The following VWC2 variants were observed in gnomAD, a reference collection of about 807,000 sequenced individuals.
VWC2 encodes brorin.
Under a neutral mutation model 29.8 loss-of-function variants are expected in VWC2, and 14 were observed. The ratio of observed to expected loss-of-function variants is 0.47; its 90% CI spans 0.31 to 0.74. The LOEUF (loss-of-function observed/expected upper bound fraction) is 0.74, where lower values mean the gene tolerates loss of function less well. Among genes scored for constraint, VWC2 ranks in the 30% least tolerant of loss-of-function variants. The pLI, the probability that VWC2 is intolerant of heterozygous loss-of-function variation, is 0.05. For missense variants in VWC2, 457 were observed against 459.8 expected (o/e 0.99, Z 0.05); for synonymous variants, 213 against 199.0 (o/e 1.07, Z -0.59).
intron 2 of VWC2, among the ~76,000 whole-genome samples, chr7:49,777,432 G>T (rs1333093132): frequency 6.6e-6 from 1 of 152,002 alleles, no homozygotes; most frequent in African/African-American, 2.4e-5. Flanking sequence ...CTGGAATTTA[G>T]AGTCAGGAAA....
intron 3 of VWC2, among the ~76,000 whole-genome samples, chr7:49,853,309 C>G (rs549175695): frequency 6.6e-6 from 1 of 152,244 alleles, no homozygotes; most frequent in South Asian, 2.1e-4. Flanking sequence ...GCCCCCAGCA[C>G]TTGCCCATGG....
At chr7:49,878,329 C>A (rs1486606622) in intron 3 of VWC2, among the ~76,000 whole-genome samples, 1 of 152,188 alleles carries the variant, frequency 6.6e-6, no homozygotes, top group Non-Finnish European at 1.5e-5. Flanking sequence ...TCTGCCTCTC[C>A]AAGCTCCTTC....
intron 3 of VWC2, among the ~76,000 whole-genome samples, chr7:49,906,844 C>T (rs952476702): frequency 2.0e-5 from 3 of 152,018 alleles, no homozygotes; most frequent in South Asian, 2.1e-4. Flanking sequence ...TTGATGTTTT[C>T]GTTGGTTTTT....
chr7:49,891,023 T>G (rs1048734559), intron 3 of VWC2, among the ~76,000 whole-genome samples: 2 of 152,172 alleles, frequency 1.3e-5, no homozygotes, highest in African/African-American at 4.8e-5. Flanking sequence ...TTAAGCCAAA[T>G]ATATTCATTA....
In VWC2 at chr7:49,914,403, T is replaced by G. The variant is rs1340098893; in HGVS notation, c.*2218T>G. The G allele has an allele frequency of 6.6e-6, 1 of 152,232 alleles. No individual in the cohort carries two copies. Among genetic ancestry groups the G allele is most frequent in the African/African-American group, 2.4e-5 (1 of 41,464 alleles). The allele number at this position is 152,232 out of a possible 1,614,324, so 9.4% of individuals were successfully genotyped here. ...ATCTTGGGAAGTTAACTGACTCACT[T>G]GCTCTAAACTTAGTTTGACCTGCAG... On this transcript the variant is annotated 3_prime_UTR_variant, in exon 4 of 4. Coordinates refer to ENST00000340652, the MANE Select transcript of VWC2 (RefSeq NM_198570.5).
chr7:49,842,038 T>C (rs1213111726), intron 3 of VWC2, among the ~76,000 whole-genome samples: 1 of 152,152 alleles, frequency 6.6e-6, no homozygotes, highest in Admixed American at 6.5e-5. Context: ...AGCTAACTTT[T>C]TGTATTTTTA....
In VWC2 at chr7:49,838,281, T is replaced by C. The variant is rs373542233; in HGVS notation, c.826+35441T>C. Among the ~76,000 whole-genome samples, 62 of 152,390 alleles carry C rather than the reference T, an allele frequency of 4.1e-4. No homozygotes were observed. The South Asian group carries it at 0.013, about 31-fold the overall frequency. On this transcript the variant is annotated intron_variant, in intron 3 of 3. Coordinates refer to ENST00000340652, the MANE Select transcript of VWC2 (RefSeq NM_198570.5). ...TCTATGGATGTGAGACATTTCTCAC[T>C]TGAGATTCTTGAACAATATTCTGTT...
At chr7:49,886,970 C>T (rs1791931793) in intron 3 of VWC2, among the ~76,000 whole-genome samples, 1 of 151,480 alleles carries the variant, frequency 6.6e-6, no homozygotes, top group Non-Finnish European at 1.5e-5. Flanking sequence ...GTCTTGTTTG[C>T]CTTTACCTTC....
At chr7:49,827,782 C>T (rs969743851) in intron 3 of VWC2, among the ~76,000 whole-genome samples, 1 of 152,086 alleles carries the variant, frequency 6.6e-6, no homozygotes, top group Non-Finnish European at 1.5e-5. Context: ...TTGGTATAGC[C>T]TTCTCTGGAC....
chr7:49,809,211 A>G lies in VWC2; in HGVS notation c.826+6371A>G, dbSNP rs1160987220. On this transcript the variant is annotated intron_variant, in intron 3 of 3. Coordinates refer to ENST00000340652, the MANE Select transcript of VWC2 (RefSeq NM_198570.5). ...AAAGAGGGGCATCATTACTAACCCT[A>G]CAAAAATGAAAATGATTACAAGGCA... is the stretch of plus-strand genomic sequence containing the variant. 2.6e-5 allele frequency among the ~76,000 whole-genome samples: 4 copies of G among 151,988 alleles called. 1 individual carries two copies.
In VWC2 at chr7:49,875,369, CAAAAAAA is replaced by C. The variant is rs71018432; in HGVS notation, c.827-36643_827-36637del. Among the ~76,000 whole-genome samples, 21 of 19,010 alleles carry C rather than the reference CAAAAAAA, an allele frequency of 1.1e-3. 1 individual carries two copies. The highest frequency in any genetic ancestry group is 0.14 in the Middle Eastern group (2 of 14). 12.5% of individuals were successfully genotyped at this position (19,010 alleles called of 152,430 possible). A position where few individuals can be genotyped will look rare whatever the true frequency, so the allele number is the denominator to read the frequency against. On this transcript the variant is annotated intron_variant, in intron 3 of 3. Transcript: ENST00000340652. ...TGGGTAACAGAGTGAGATTCTGACT[CAAAAAAA>C]AAAAAAAAAAAAAAAAAAAAACAGG...
chr7:49,877,507 T>TATATATATATATATATATATAG (rs1349966764), intron 3 of VWC2, among the ~76,000 whole-genome samples: 2 of 90,318 alleles, frequency 2.2e-5, no homozygotes, highest in Non-Finnish European at 4.6e-5. Flanking sequence ...TATATATATA[T>TATATATATATATATATATATAG]ATATATATAT....
At chr7:49,826,145 C>A (rs1487865258) in intron 3 of VWC2, among the ~76,000 whole-genome samples, 2 of 152,176 alleles carry the variant, frequency 1.3e-5, no homozygotes, top group African/African-American at 2.4e-5. Context: ...AGGTTTTCTG[C>A]CTGCTTTTGG....
At chr7:49,889,099 GCT>G (rs1361229954) in intron 3 of VWC2, among the ~76,000 whole-genome samples, 3 of 152,156 alleles carry the variant, frequency 2.0e-5, no homozygotes, top group African/African-American at 7.2e-5. Flanking sequence ...TACAGGGAAT[GCT>G]CATCTTTTGT....
chr7:49,876,738 A>G (rs1017087044), intron 3 of VWC2, among the ~76,000 whole-genome samples: 2 of 152,064 alleles, frequency 1.3e-5, no homozygotes, highest in African/African-American at 4.8e-5. Flanking sequence ...TTCAATCATT[A>G]CCTGTCAACA....
chr7:49,866,995 A>T (rs1790919445), intron 3 of VWC2, among the ~76,000 whole-genome samples: 1 of 152,176 alleles, frequency 6.6e-6, no homozygotes, highest in Non-Finnish European at 1.5e-5. Context: ...CATAAGTGAA[A>T]CTTTAAACTA....
chr7:49,857,139 T>G (rs918566477), intron 3 of VWC2, among the ~76,000 whole-genome samples: 10 of 151,692 alleles, frequency 6.6e-5, no homozygotes, highest in African/African-American at 2.4e-4. Flanking sequence ...CTCTAGAACT[T>G]ATCTTGCATA....
intron 3 of VWC2, among the ~76,000 whole-genome samples, chr7:49,856,484 C>A (rs747246441): frequency 6.6e-6 from 1 of 152,168 alleles, no homozygotes; most frequent in Non-Finnish European, 1.5e-5. Context: ...AAATATACTT[C>A]TTTTCTTTAA....
At chr7:49,831,633 G>C (rs1052978845) in intron 3 of VWC2, among the ~76,000 whole-genome samples, 1 of 152,196 alleles carries the variant, frequency 6.6e-6, no homozygotes, top group Non-Finnish European at 1.5e-5. Context: ...CAATTTCCAG[G>C]TACTGGAGGT....
Sources: allele counts gnomAD v4.1 joint callset (sites outside exome capture counted in the v4.1 genomes callset), GRCh38; gene constraint gnomAD v4.1.1; transcripts MANE v1.5; gene names NCBI Gene and HGNC (gene_info 2026-07-23, HGNC 2026-07-21).